Variants in ADAMTSL1 observed in about 807,000 individuals in gnomAD.
ADAMTSL1 encodes ADAMTS like 1.
A neutral mutation model predicts 201.8 loss-of-function variants in ADAMTSL1; 126 were observed. The ratio of observed to expected loss-of-function variants is 0.62; its 90% CI spans 0.54 to 0.72. The LOEUF is 0.72. Ranked by LOEUF, ADAMTSL1 falls within the 30% of genes least tolerant of loss-of-function variation. The probability of loss-of-function intolerance (pLI) is 0.00; values close to 1 mark genes in which losing one functional copy is unlikely to be tolerated. For missense variants in ADAMTSL1, 2,679 were observed against 2,277.8 expected (o/e 1.18, Z -3.59); for synonymous variants, 1,121 against 903.4 (o/e 1.24, Z -4.32).
intron 3 of ADAMTSL1, among the ~76,000 whole-genome samples, chr9:18,565,159 A>T (rs552044824): frequency 6.6e-6 from 1 of 152,226 alleles, no homozygotes; most frequent in African/African-American, 2.4e-5. Context: ...TATATCACAC[A>T]TTTCATATCT....
chr9:18,414,950 G>T (rs1477198724), intron 2 of ADAMTSL1, among the ~76,000 whole-genome samples: 1 of 152,200 alleles, frequency 6.6e-6, no homozygotes, highest in Non-Finnish European at 1.5e-5. Context: ...ACAGGGTTTA[G>T]GGTAGACTGC....
intron 3 of ADAMTSL1, among the ~76,000 whole-genome samples, chr9:18,549,723 T>G (rs1820683053): frequency 1.3e-5 from 2 of 152,008 alleles, no homozygotes; most frequent in East Asian, 1.9e-4. Context: ...TATGTTACTT[T>G]CTGGAGGAAG....
At chr9:18,291,576 C>T (rs1833262771) in intron 2 of ADAMTSL1, among the ~76,000 whole-genome samples, 1 of 152,070 alleles carries the variant, frequency 6.6e-6, no homozygotes, top group Non-Finnish European at 1.5e-5. Context: ...TGTAGACTCC[C>T]TTTGTCTGTC....
At chr9:18,546,150 G>T (rs1820453208) in intron 3 of ADAMTSL1, among the ~76,000 whole-genome samples, 1 of 152,102 alleles carries the variant, frequency 6.6e-6, no homozygotes, top group Non-Finnish European at 1.5e-5. Flanking sequence ...ACTTAAAGAG[G>T]TTATCTTTGA....
chr9:18,043,732 A>T (rs1821534811), intron 1 of ADAMTSL1, among the ~76,000 whole-genome samples: 1 of 152,078 alleles, frequency 6.6e-6, no homozygotes, highest in African/African-American at 2.4e-5. Context: ...ATGAGCAAAT[A>T]TTTTCAGCTT....
chr9:18,585,433 T>A (rs996343420), intron 4 of ADAMTSL1, among the ~76,000 whole-genome samples: 5 of 152,202 alleles, frequency 3.3e-5, no homozygotes, highest in Non-Finnish European at 5.9e-5. Flanking sequence ...ATAGTTTTTT[T>A]AATATACTCA....
intron 14 of ADAMTSL1, among the ~76,000 whole-genome samples, chr9:18,715,510 C>G (rs995937625): frequency 6.6e-6 from 1 of 152,012 alleles, no homozygotes; most frequent in African/African-American, 2.4e-5. Context: ...GATAAAATAC[C>G]TAGGAATCCA....
At chr9:18,242,506 G>A (rs1831109743) in intron 2 of ADAMTSL1, among the ~76,000 whole-genome samples, 1 of 151,988 alleles carries the variant, frequency 6.6e-6, no homozygotes, top group South Asian at 2.1e-4. Flanking sequence ...AGAACTATTA[G>A]CAAGAACCAT....
At chr9:18,688,445 A>G (rs990266455) in intron 13 of ADAMTSL1, among the ~76,000 whole-genome samples, 2 of 150,536 alleles carry the variant, frequency 1.3e-5, no homozygotes, top group Non-Finnish European at 3.0e-5. Context: ...TTTTCTAGGT[A>G]TGTACAACAT....
At chr9:18,021,430 C>T (rs558651508) in intron 1 of ADAMTSL1, among the ~76,000 whole-genome samples, 1 of 152,092 alleles carries the variant, frequency 6.6e-6, no homozygotes, top group Admixed American at 6.6e-5. Context: ...TTGGGGCTGT[C>T]TGGAGATTAA....
At chr9:17,932,585 G>A (rs1826839009) in intron 1 of ADAMTSL1, among the ~76,000 whole-genome samples, 1 of 152,082 alleles carries the variant, frequency 6.6e-6, no homozygotes, top group African/African-American at 2.4e-5. Flanking sequence ...AGTTTCTTGG[G>A]TGATTTCTGA....
chr9:18,500,967 A>G lies in ADAMTSL1; in HGVS notation c.64-3862A>G, dbSNP rs190814588. On this transcript the variant is annotated intron_variant, in intron 1 of 28. Coordinates refer to ENST00000380548, the MANE Select transcript of ADAMTSL1 (RefSeq NM_001040272.6). ...TTGATCACTATGTTCAATAGCATCC[A>G]TAACCTTCCTTTTGAGACATTGAAT... Among the ~76,000 whole-genome samples the G allele has an allele frequency of 2.4e-4, 36 of 152,328 alleles. No individual in the cohort carries two copies. The East Asian group carries it at 4.2e-3, about 18-fold the overall frequency.
chr9:18,859,808 CT>C (rs533939862), intron 23 of ADAMTSL1, among the ~76,000 whole-genome samples: 5 of 151,562 alleles, frequency 3.3e-5, no homozygotes, highest in Admixed American at 1.3e-4. Flanking sequence ...ATTAAAGATT[CT>C]TTTTTTTGCT....
intron 2 of ADAMTSL1, among the ~76,000 whole-genome samples, chr9:18,402,267 T>G (rs1162520884): frequency 2.0e-5 from 3 of 152,232 alleles, no homozygotes; most frequent in Non-Finnish European, 4.4e-5. Flanking sequence ...TAAGCCTGAC[T>G]TGTACTTTGC....
chr9:18,031,349 C>A (rs10963399), intron 1 of ADAMTSL1, among the ~76,000 whole-genome samples: 1 of 151,882 alleles, frequency 6.6e-6, no homozygotes, highest in East Asian at 1.9e-4. Flanking sequence ...TCCTTTGAAG[C>A]CTTGACTGTG....
intron 2 of ADAMTSL1, among the ~76,000 whole-genome samples, chr9:18,254,581 T>C (rs976662920): frequency 6.6e-6 from 1 of 151,656 alleles, no homozygotes; most frequent in Non-Finnish European, 1.5e-5. Flanking sequence ...GCCAGGATGG[T>C]CTCGATCTCC....
At chr9:18,261,262 C>T (rs1480814464) in intron 2 of ADAMTSL1, among the ~76,000 whole-genome samples, 7 of 152,030 alleles carry the variant, frequency 4.6e-5, no homozygotes, top group Non-Finnish European at 7.4e-5. Context: ...TTGAGAGAGG[C>T]CTTTTGTGCT....
intron 1 of ADAMTSL1, among the ~76,000 whole-genome samples, chr9:18,081,506 T>C (rs2131775188): frequency 6.6e-6 from 1 of 152,276 alleles, no homozygotes; most frequent in Non-Finnish European, 1.5e-5. Context: ...TTAACAAGTC[T>C]TCATGAAAAT....
rs77235002 is a variant in ADAMTSL1 at position 18,576,373 on chromosome 9, C to T, written c.474+2107C>T. Among the ~76,000 whole-genome samples, 114 of 152,222 alleles carry T rather than the reference C, an allele frequency of 7.5e-4. 1 individual carries two copies. Among genetic ancestry groups the T allele is most frequent in the African/African-American group, 2.5e-3 (103 of 41,530 alleles). ...TGGGAGAGAAACATGGAGGCTTGAA[C>T]GGCAGACAGGACTGTGGTAAACCAT... On this transcript the variant is annotated intron_variant, in intron 4 of 28. Transcript: ENST00000380548.
Sources: allele counts gnomAD v4.1 joint callset (sites outside exome capture counted in the v4.1 genomes callset), GRCh38; gene constraint gnomAD v4.1.1; transcripts MANE v1.5; gene names NCBI Gene and HGNC (gene_info 2026-07-23, HGNC 2026-07-21).